Variants in USP34 observed in about 807,000 individuals in gnomAD.
USP34 encodes the protein ubiquitin specific peptidase 34, also known as ubiquitin carboxyl-terminal hydrolase 34.
A neutral mutation model predicts 460.3 loss-of-function variants in USP34; 70 were observed. That is an observed-to-expected ratio of 0.15 (90% CI 0.13 to 0.19). USP34 has a LOEUF of 0.19. USP34 is among the 10% of genes least tolerant of loss of function. The probability of loss-of-function intolerance (pLI) is 1.00; values close to 1 mark genes in which losing one functional copy is unlikely to be tolerated. For missense variants in USP34, 3,985 were observed against 4,236.2 expected (o/e 0.94, Z 1.65); for synonymous variants, 1,647 against 1,405.3 (o/e 1.17, Z -3.85).
rs1381537099 is a variant in USP34 at position 61,213,389 on chromosome 2, GA to G, written c.8682+670del. Among the ~76,000 whole-genome samples, 14 of 150,376 alleles carry G rather than the reference GA, an allele frequency of 9.3e-5. No homozygotes were observed. In the East Asian group the frequency reaches 9.8e-4, roughly 10 times the overall value. On this transcript the variant is annotated intron_variant, in intron 68 of 79. Coordinates refer to ENST00000398571, the MANE Select transcript of USP34 (RefSeq NM_014709.4). ...TCTATACAACTCATTACACCATCTA[GA>G]AAAAAAAAGACCGTCTATAAAGGAC...
At position 61,300,964 on chromosome 2, in the gene USP34, A is replaced by G. The variant is rs1377030918; in HGVS notation, c.4115T>C (p.Val1372Ala). Residue 1372 changes from valine to alanine, a missense_variant, in exon 29 of 80, where the codon GTG becomes GCG. By Grantham distance (64) the Val-to-Ala change is moderately conservative. Transcript: ENST00000398571. Reference protein sequence around the residue: ...SFKPPSGKVAVDDSESLRCEE... With the variant: ...SFKPPSGKVAADDSESLRCEE... ...AAACATAGTCACCTCACTATCATCCACTGCCACTTTTCCTGAGGGTGGTTT... is the reference window on the plus strand; with the variant it reads ...AAACATAGTCACCTCACTATCATCCGCTGCCACTTTTCCTGAGGGTGGTTT... The G allele has an allele frequency of 6.8e-6, 11 of 1,611,706 alleles. No individual in the cohort carries two copies. Among genetic ancestry groups the G allele is most frequent in the African/African-American group, 2.7e-5 (2 of 74,820 alleles).
chr2:61,405,806 C>G lies in USP34; in HGVS notation c.454G>C (p.Asp152His). Reference sequence around the variant, plus strand: ...CATAGTAAGAGTTTTTCCTTCTCATCTGTACTCCATAAACTAAAAGGATCA... The same window carrying G: ...CATAGTAAGAGTTTTTCCTTCTCATGTGTACTCCATAAACTAAAAGGATCA... ...SSDPFSLWSTDEKEKLLLCVA... is the reference protein window; with the variant it reads ...SSDPFSLWSTHEKEKLLLCVA... The change falls in exon 3 of 80, where the codon GAT becomes CAT. Residue 152 changes from aspartate (D) to histidine (H), a missense_variant. Transcript: ENST00000398571. 6.2e-7 allele frequency: 1 copy of G among 1,613,090 alleles called. No individual in the cohort carries two copies. The highest frequency in any genetic ancestry group is 8.5e-7 in the Non-Finnish European group (1 of 1,179,754).
intron 3 of USP34, among the ~76,000 whole-genome samples, chr2:61,401,998 TC>T (rs996351606): frequency 6.6e-6 from 1 of 150,392 alleles, no homozygotes; most frequent in African/African-American, 2.4e-5. Flanking sequence ...ATGCCTGTAA[TC>T]CCAGCACTTT....
chr2:61,356,849 G>T (rs1047825812), intron 10 of USP34, among the ~76,000 whole-genome samples: 2 of 152,026 alleles, frequency 1.3e-5, no homozygotes, highest in African/African-American at 4.8e-5. Context: ...ATGATTAAAG[G>T]GGATCAACTG....
chr2:61,469,552 TTTA>T (rs1222679663), intron 1 of USP34, among the ~76,000 whole-genome samples: 1 of 152,188 alleles, frequency 6.6e-6, no homozygotes. Context: ...CCCTTCCACT[TTTA>T]TTATTGTCTT....
At chr2:61,228,412 T>C (rs1266072797) in intron 61 of USP34, among the ~76,000 whole-genome samples, 1 of 152,250 alleles carries the variant, frequency 6.6e-6, no homozygotes, top group Non-Finnish European at 1.5e-5. Flanking sequence ...CCTAAGTTTA[T>C]TTGCTTTGTT....
At chr2:61,324,114 A>G (rs942300808) in intron 21 of USP34, among the ~76,000 whole-genome samples, 1 of 152,230 alleles carries the variant, frequency 6.6e-6, no homozygotes, top group Non-Finnish European at 1.5e-5. Flanking sequence ...CTTCTAAAAA[A>G]TAAGGTTTGA....
chr2:61,412,897 A>ATAC (rs2103953100), intron 2 of USP34, among the ~76,000 whole-genome samples: 1 of 151,832 alleles, frequency 6.6e-6, no homozygotes, highest in Admixed American at 6.6e-5. Flanking sequence ...AAAAAAAAAA[A>ATAC]AAAAAAAGAG....
chr2:61,206,777 G>A lies in USP34; in HGVS notation c.9029C>T (p.Pro3010Leu), dbSNP rs1572835098. Residue 3010 changes from proline (P) to leucine (L), a missense_variant, in exon 71 of 80, where the codon CCT becomes CTT. Physicochemically the swap from Pro to Leu is moderately conservative, Grantham distance 98. Coordinates refer to ENST00000398571, the MANE Select transcript of USP34 (RefSeq NM_014709.4). Reference sequence around the variant, plus strand: ...GAGCAAACCTTTTCTCTGAAGATAAGGGCGTGTAGACTTCAAAACCGAAAG... The same window carrying A: ...GAGCAAACCTTTTCTCTGAAGATAAAGGCGTGTAGACTTCAAAACCGAAAG... ...IFLSVLKSTR[P>L]YLQRKDVKQA... 1 of 1,613,468 alleles carries A rather than the reference G, an allele frequency of 6.2e-7. No individual in the cohort carries two copies. Among genetic ancestry groups the A allele is most frequent in the African/African-American group, 1.3e-5 (1 of 74,892 alleles).
At chr2:61,233,492 G>A (rs949551071) in intron 57 of USP34, among the ~76,000 whole-genome samples, 3 of 151,928 alleles carry the variant, frequency 2.0e-5, no homozygotes, top group Non-Finnish European at 4.4e-5. Context: ...TTTTTGAGAT[G>A]GAGAAAACTG....
chr2:61,469,602 G>C (rs1695887375), intron 1 of USP34, among the ~76,000 whole-genome samples: 1 of 152,104 alleles, frequency 6.6e-6, no homozygotes, highest in Non-Finnish European at 1.5e-5. Context: ...AAATACCATG[G>C]TACATTTTAT....
rs115253165 is a variant in USP34, at chr2:61,452,735, A to G, written c.43+17915T>C. On this transcript the variant is annotated intron_variant, in intron 1 of 79. Transcript: ENST00000398571. ...CCTGTCTCCACCAAAAAAAAAAACA[A>G]AAGTTAAGAATTAGCTGGGCTTGCC... 8.9e-3 allele frequency among the ~76,000 whole-genome samples: 1,349 copies of G among 152,028 alleles called. 5 individuals carry two copies. The highest frequency in any genetic ancestry group is 0.015 in the Non-Finnish European group (989 of 67,962).
chr2:61,369,642 CAAAAAAAA>C (rs57947331), intron 10 of USP34, among the ~76,000 whole-genome samples: 1 of 43,426 alleles, frequency 2.3e-5, no homozygotes. Flanking sequence ...GATTCCGTCT[CAAAAAAAA>C]AAAAAAAAAA....
At chr2:61,406,670 C>T (rs1437277578) in intron 2 of USP34, among the ~76,000 whole-genome samples, 1 of 150,072 alleles carries the variant, frequency 6.7e-6, no homozygotes, top group Non-Finnish European at 1.5e-5. Context: ...CTCTCCCCCC[C>T]AAGCTCCTGT....
intron 21 of USP34, 84 bp downstream of exon 21, chr2:61,325,291 A>C (rs576174453): frequency 3.0e-5 from 25 of 840,448 alleles, no homozygotes; most frequent in East Asian, 2.5e-4. Flanking sequence ...AAAAAAAAAA[A>C]CTGCAGAAAT....
chr2:61,248,048 C>CTGGTGGTGCG (rs1688466860), intron 49 of USP34, among the ~76,000 whole-genome samples: 1 of 151,868 alleles, frequency 6.6e-6, no homozygotes, highest in Admixed American at 6.6e-5. Flanking sequence ...TTAGCTGGGC[C>CTGGTGGTGCG]TGGTGGTGCG....
At chr2:61,208,798 G>A (rs1558467020) in intron 70 of USP34, 101 bp downstream of exon 70, 1 of 776,090 alleles carries the variant, frequency 1.3e-6, no homozygotes, top group Non-Finnish European at 1.9e-6. Flanking sequence ...CTTGCCACCT[G>A]TAAAACAGTT....
intron 2 of USP34, among the ~76,000 whole-genome samples, chr2:61,407,793 T>G (rs1291459880): frequency 1.3e-5 from 2 of 152,138 alleles, no homozygotes; most frequent in Non-Finnish European, 2.9e-5. Context: ...GGAGACCACA[T>G]GAGAAAGTAC....
chr2:61,421,774 A>AACACAT (rs1270827406), intron 1 of USP34, among the ~76,000 whole-genome samples: 1 of 149,184 alleles, frequency 6.7e-6, no homozygotes, highest in African/African-American at 2.4e-5. Flanking sequence ...TTACATTTAA[A>AACACAT]ACACACACAC....
Sources: allele counts gnomAD v4.1 joint callset (sites outside exome capture counted in the v4.1 genomes callset), GRCh38; gene constraint gnomAD v4.1.1; transcripts MANE v1.5; gene names NCBI Gene and HGNC (gene_info 2026-07-23, HGNC 2026-07-21).